MUC4: variants seen among roughly 807,000 people sequenced by gnomAD.
MUC4 encodes the protein mucin 4, cell surface associated.
Under a neutral mutation model 257.9 loss-of-function variants are expected in MUC4, and 202 were observed. That is an observed-to-expected ratio of 0.78 (90% CI 0.70 to 0.88). MUC4 has a LOEUF of 0.88. Ranked by LOEUF, MUC4 falls within the 40% of genes least tolerant of loss-of-function variation. The pLI is 0.00. For synonymous variants in MUC4, 2,351 were observed against 2,757.1 expected, an observed-to-expected ratio of 0.85 and a Z score of 4.62; for missense variants, 5,976 against 6,513.7, an observed-to-expected ratio of 0.92 and a Z score of 2.84.
In MUC4 at chr3:195,750,941, G is replaced by T. The variant is rs773068981; in HGVS notation, c.15819C>A (p.Asn5273Lys). Residue 5273 changes from asparagine to lysine, a missense_variant, in exon 23 of 25, where the codon AAC becomes AAA. By Grantham distance (94) the Asn-to-Lys change is moderately conservative (BLOSUM62 0). Transcript: ENST00000463781. ...HVPRRSEEPR[N>K]DVVFQPISGE... ...CGGAGATGGGCTGGAAGACCACGTC[G>T]TTCCTGGGCTCCTCACTCCTCCGTG... The T allele has an allele frequency of 8.7e-6, 14 of 1,614,042 alleles. No individual in the cohort carries two copies. Among genetic ancestry groups the T allele is most frequent in the Non-Finnish European group, 1.0e-5 (12 of 1,180,018 alleles).
In MUC4 at chr3:195,767,912, ATCG is replaced by A. The variant is rs200436969; in HGVS notation, c.13529+1107_13529+1109del. ...CACCACCACCATCACCACCATCACC[ATCG>A]CCACTGCCACCTCCACCGCCACTAC... On this transcript the variant is annotated intron_variant, in intron 7 of 24. Transcript: ENST00000463781. 8.7e-4 allele frequency among the ~76,000 whole-genome samples: 97 copies of A among 111,762 alleles called. 2 individuals are homozygous for A. Among genetic ancestry groups the A allele is most frequent in the African/African-American group, 4.2e-3 (74 of 17,516 alleles). The allele number at this position is 111,762 out of a possible 152,430, so 73.3% of individuals were successfully genotyped here. A position where few individuals can be genotyped will look rare whatever the true frequency, so the allele number is the denominator to read the frequency against.
In MUC4 at chr3:195,781,796, T is replaced by G. The variant is rs757957414; in HGVS notation, c.9784A>C (p.Thr3262Pro). 5.9e-6 allele frequency: 5 copies of G among 853,426 alleles called. No individual in the cohort carries two copies. The South Asian group carries it at 7.3e-5, about 13-fold the overall frequency. 52.9% of individuals were successfully genotyped at this position (853,426 alleles called of 1,614,324 possible). Residue 3262 changes from threonine to proline, a missense_variant, in exon 2 of 25, where the codon ACC becomes CCC. Physicochemically the swap from Thr to Pro is conservative, Grantham distance 38 (BLOSUM62 -1). Coordinates refer to ENST00000463781, the MANE Select transcript of MUC4 (RefSeq NM_018406.7). The part of the protein sequence containing the change: ...TDTSSASTGD[T>P]TSLPVTDTSS... The stretch of plus-strand genomic sequence containing the variant: ...GTGTCGGTGACAGGAAGAGAGGTGG[T>G]GTCACCTGTGGATGCTGAGGAAGTG...
Position 195,759,395 on chromosome 3 carries a change from C to T in MUC4, c.14849-134G>A, listed in dbSNP as rs77513679. The T allele has an allele frequency of 4.7e-3, 5,740 of 1,217,602 alleles. 205 individuals are homozygous for T. The African/African-American group carries it at 0.074, about 16-fold the overall frequency. The allele number at this position is 1,217,602 out of a possible 1,614,324, so 75.4% of individuals were successfully genotyped here. On this transcript the variant is annotated intron_variant, in intron 16 of 24. Coordinates refer to ENST00000463781, the MANE Select transcript of MUC4 (RefSeq NM_018406.7). ...CCCACCTCTGGAAGAAGGAATTATT[C>T]TGTGTACCTGCTCTCGACTGACGCA...
chr3:195,748,878 C>T lies in MUC4; in HGVS notation c.16034+24G>A, dbSNP rs759648558. ...TTGGGTTCCCCAGCACTGTCCTCCACCTCCTGGCCACAGCCCTATGCACCT... is the reference window on the plus strand; with the variant it reads ...TTGGGTTCCCCAGCACTGTCCTCCATCTCCTGGCCACAGCCCTATGCACCT... On this transcript the variant is annotated intron_variant, in intron 24 of 24. Transcript: ENST00000463781. 8 of 1,542,352 alleles carry T rather than the reference C, an allele frequency of 5.2e-6. No individual in the cohort carries two copies. In the South Asian group the frequency reaches 7.5e-5, roughly 14 times the overall value.
At chr3:195,796,240 G>A (rs913802681) in intron 1 of MUC4, among the ~76,000 whole-genome samples, 3 of 151,760 alleles carry the variant, frequency 2.0e-5, no homozygotes, top group South Asian at 2.1e-4. Context: ...ATGCCACCAC[G>A]CCCGGCTAAT....
chr3:195,788,964 A>G lies in MUC4; in HGVS notation c.2616T>C (p.Phe872=), dbSNP rs752584528. The G allele has an allele frequency of 6.2e-7, 1 of 1,613,560 alleles. No homozygotes were observed. The highest frequency in any genetic ancestry group is 2.2e-5 in the East Asian group (1 of 44,862). Residue 872 remains phenylalanine, a synonymous_variant, in exon 2 of 25, where the codon TTT becomes TTC. Coordinates refer to ENST00000463781, the MANE Select transcript of MUC4 (RefSeq NM_018406.7). ...TGGAGGCCTCAGAGAGGGTGGGATG[A>G]AAGGTGCCGGGGACGATCGAAGACG... ...GMASSIVPGT[F]HPTLSEASTA... is the part of the protein sequence containing the mutation.
At chr3:195,764,545 AG>A (rs1054970671) in intron 10 of MUC4, among the ~76,000 whole-genome samples, 2 of 151,838 alleles carry the variant, frequency 1.3e-5, no homozygotes, top group African/African-American at 2.4e-5. Context: ...GGGAGTGGGG[AG>A]GGCACGGCTG....
chr3:195,807,537 T>C (rs997924852), intron 1 of MUC4, among the ~76,000 whole-genome samples: 1 of 151,994 alleles, frequency 6.6e-6, no homozygotes, highest in Non-Finnish European at 1.5e-5. Flanking sequence ...TATGAAGAAA[T>C]CGTCGATGAG....
At chr3:195,801,905 G>A (rs73891114) in intron 1 of MUC4, among the ~76,000 whole-genome samples, 1,942 of 151,032 alleles carry the variant, frequency 0.013, 56 homozygotes, top group African/African-American at 0.045. Context: ...CACCGTCCAC[G>A]CTCCCGGGCC....
intron 10 of MUC4, among the ~76,000 whole-genome samples, chr3:195,764,515 A>G (rs1340214423): frequency 6.6e-6 from 1 of 152,074 alleles, no homozygotes; most frequent in Non-Finnish European, 1.5e-5. Context: ...AGAGCCAAGT[A>G]CTGCTGCTCT....
intron 1 of MUC4, among the ~76,000 whole-genome samples, chr3:195,793,332 A>G (rs1339492547): frequency 6.6e-6 from 1 of 151,446 alleles, no homozygotes; most frequent in Non-Finnish European, 1.5e-5. Context: ...CCCCGTCTCT[A>G]CTAGAAAAAA....
intron 11 of MUC4, among the ~76,000 whole-genome samples, 162 bp from the exon 12 acceptor site, chr3:195,763,803 G>A (rs182853362): frequency 6.6e-6 from 1 of 152,314 alleles, no homozygotes; most frequent in Admixed American, 6.5e-5. Flanking sequence ...CTGGGGAGAT[G>A]TTCACAGAGC....
In MUC4 at chr3:195,767,751, C is replaced by CCACCATCAT. The variant is rs1560264559; in HGVS notation, c.13530-1001_13530-1000insATGATGGTG. Among the ~76,000 whole-genome samples the CCACCATCAT allele has an allele frequency of 4.5e-3, 395 of 88,244 alleles. 28 individuals carry two copies. The highest frequency in any genetic ancestry group is 6.7e-3 in the Non-Finnish European group (298 of 44,404). 57.9% of individuals were successfully genotyped at this position (88,244 alleles called of 152,430 possible). On this transcript the variant is annotated intron_variant, in intron 7 of 24. Coordinates refer to ENST00000463781, the MANE Select transcript of MUC4 (RefSeq NM_018406.7). The stretch of plus-strand genomic sequence containing the variant: ...ATCACCACCACCATCACCATCGCCA[C>CCACCATCAT]CACCACCATCACCACCACCACCACC...
At chr3:195,748,491 G>A (rs1715620538) in intron 24 of MUC4, among the ~76,000 whole-genome samples, 2 of 152,276 alleles carry the variant, frequency 1.3e-5, no homozygotes, top group African/African-American at 4.8e-5. Flanking sequence ...TTGAACGCGG[G>A]AGAAGGACGT....
intron 1 of MUC4, among the ~76,000 whole-genome samples, chr3:195,801,734 T>G (rs1345689307): frequency 5.9e-5 from 9 of 152,140 alleles, no homozygotes; most frequent in Non-Finnish European, 1.0e-4. Flanking sequence ...AAAAACGATT[T>G]TCTCCAGTCC....
chr3:195,765,968 T>A (rs924295423), intron 8 of MUC4, among the ~76,000 whole-genome samples: 5 of 152,096 alleles, frequency 3.3e-5, no homozygotes, highest in Non-Finnish European at 7.4e-5. Context: ...CTTGGTGGAT[T>A]CTCTCTTTTT....
At position 195,747,353 on chromosome 3, in the gene MUC4, G is replaced by A. The variant is rs1715241302; in HGVS notation, c.16062C>T (p.Ala5354=). The change falls in exon 25 of 25, where the codon GCC becomes GCT. Residue 5354 remains alanine, a synonymous_variant. Transcript: ENST00000463781. ...TCAGGTGCTCACAGTGCTCGCCCCA[G>A]GCCGTGTAGATGGAGAAGGACACAC... ...CSCVSFSIYT[A]WGEHCEHLSM... The A allele has an allele frequency of 6.2e-7, 1 of 1,614,034 alleles. No individual in the cohort carries two copies. Among genetic ancestry groups the A allele is most frequent in the African/African-American group, 1.3e-5 (1 of 75,072 alleles).
At position 195,747,101 on chromosome 3, in the gene MUC4, C is replaced by G. The variant is rs1715175734; in HGVS notation, c.*75G>C. 1.3e-6 allele frequency: 2 copies of G among 1,580,152 alleles called. No individual in the cohort carries two copies. The highest frequency in any genetic ancestry group is 1.7e-5 in the Admixed American group (1 of 58,526). Reference sequence around the variant, plus strand: ...CAGTCACCTTCCCTTTTCCAGTCTCCCAAAAGCAATGGCGCCTTAAATGTG... The same window carrying G: ...CAGTCACCTTCCCTTTTCCAGTCTCGCAAAAGCAATGGCGCCTTAAATGTG... On this transcript the variant is annotated 3_prime_UTR_variant, in exon 25 of 25. Transcript: ENST00000463781.
At chr3:195,761,848 GC>G (rs1423814185) in intron 14 of MUC4, among the ~76,000 whole-genome samples, 1 of 152,082 alleles carries the variant, frequency 6.6e-6, no homozygotes, top group Non-Finnish European at 1.5e-5. Context: ...GGATGGCTGT[GC>G]CCCCCGCCTC....
Sources: allele counts gnomAD v4.1 joint callset (sites outside exome capture counted in the v4.1 genomes callset), GRCh38; gene constraint gnomAD v4.1.1; transcripts MANE v1.5; gene names NCBI Gene and HGNC (gene_info 2026-07-23, HGNC 2026-07-21).